Variants in PPP2R2B observed in about 807,000 individuals in gnomAD.
The protein encoded by PPP2R2B is serine/threonine-protein phosphatase 2A 55 kDa regulatory subunit B beta isoform.
In PPP2R2B, 5 loss-of-function variants were observed where a neutral mutation model predicts 46.0. The observed-to-expected ratio is 0.11, with a 90% CI of 0.06 to 0.23. PPP2R2B has a LOEUF of 0.23. PPP2R2B is among the 10% of genes least tolerant of loss of function. PPP2R2B has a pLI of 1.00. For missense variants in PPP2R2B, 367 were observed against 575.0 expected (o/e 0.64, Z 3.70); for synonymous variants, 215 against 206.7 (o/e 1.04, Z -0.34).
At chr5:146,924,059 T>A (rs765360212) in intron 1 of PPP2R2B, among the ~76,000 whole-genome samples, 3 of 152,012 alleles carry the variant, frequency 2.0e-5, no homozygotes, top group Non-Finnish European at 2.9e-5. Context: ...CAACACACAC[T>A]GGGGCCTTTT....
chr5:146,986,833 G>A (rs192906246), intron 1 of PPP2R2B, among the ~76,000 whole-genome samples: 7 of 152,210 alleles, frequency 4.6e-5, no homozygotes, highest in Admixed American at 4.6e-4. Flanking sequence ...AAAGAGAAAT[G>A]GGTGGAAAGC....
chr5:146,792,642 C>T (rs1389091869), intron 2 of PPP2R2B, among the ~76,000 whole-genome samples: 1 of 152,172 alleles, frequency 6.6e-6, no homozygotes, highest in Non-Finnish European at 1.5e-5. Flanking sequence ...TCAAGAAAGG[C>T]TTCATTGAAA....
chr5:146,765,922 TCAC>T, intron 2 of PPP2R2B, among the ~76,000 whole-genome samples: 3 of 152,350 alleles, frequency 2.0e-5, no homozygotes, highest in Non-Finnish European at 4.4e-5. Flanking sequence ...CGGAAAATAG[TCAC>T]TTTGGGAAAG....
intron 2 of PPP2R2B, among the ~76,000 whole-genome samples, chr5:146,870,598 C>T (rs1761561750): frequency 6.6e-6 from 1 of 152,164 alleles, no homozygotes; most frequent in African/African-American, 2.4e-5. Flanking sequence ...TTTAAAAATG[C>T]AGTCTGAGCT....
chr5:146,707,293 T>A (rs1779922728), intron 2 of PPP2R2B: 1 of 1,504,280 alleles, frequency 6.6e-7, no homozygotes, highest in Non-Finnish European at 9.2e-7. Context: ...CCGTACCTTG[T>A]CGACGAAGGA....
chr5:146,887,123 A>G (rs1762353683), intron 1 of PPP2R2B, among the ~76,000 whole-genome samples: 1 of 152,110 alleles, frequency 6.6e-6, no homozygotes, highest in Non-Finnish European at 1.5e-5. Flanking sequence ...AGATAAAATT[A>G]TCTTATTTAA....
intron 1 of PPP2R2B, among the ~76,000 whole-genome samples, chr5:146,889,553 T>A (rs1055391456): frequency 6.6e-6 from 1 of 152,048 alleles, no homozygotes; most frequent in Non-Finnish European, 1.5e-5. Context: ...GGCAGGGGGG[T>A]AATGCATGAG....
intron 7 of PPP2R2B, among the ~76,000 whole-genome samples, chr5:146,624,462 G>A (rs564781068): frequency 6.6e-6 from 1 of 151,794 alleles, no homozygotes; most frequent in South Asian, 2.1e-4. Context: ...CTCAAAGTAC[G>A]GCCCAAATCA....
At chr5:146,966,280 G>A (rs1752402044) in intron 1 of PPP2R2B, among the ~76,000 whole-genome samples, 1 of 152,090 alleles carries the variant, frequency 6.6e-6, no homozygotes, top group Non-Finnish European at 1.5e-5. Context: ...AAATCACGGA[G>A]GTTATGTCAG....
intron 1 of PPP2R2B, among the ~76,000 whole-genome samples, chr5:147,002,390 C>T (rs1754218838): frequency 6.6e-6 from 1 of 152,150 alleles, no homozygotes; most frequent in Non-Finnish European, 1.5e-5. Context: ...AGGCATCACT[C>T]TTCCAACTCT....
intron 5 of PPP2R2B, among the ~76,000 whole-genome samples, chr5:146,670,139 C>T (rs1160256917): frequency 3.3e-5 from 5 of 152,198 alleles, no homozygotes; most frequent in African/African-American, 9.7e-5. Flanking sequence ...TATTTTCCAT[C>T]ATATCCTTGG....
At chr5:146,957,587 A>G (rs1166215958) in intron 1 of PPP2R2B, among the ~76,000 whole-genome samples, 1 of 152,186 alleles carries the variant, frequency 6.6e-6, no homozygotes, top group Non-Finnish European at 1.5e-5. Flanking sequence ...CTTTATTTGC[A>G]TGATTGTTGG....
At chr5:146,722,487 T>G (rs1780867788) in intron 2 of PPP2R2B, among the ~76,000 whole-genome samples, 1 of 152,134 alleles carries the variant, frequency 6.6e-6, no homozygotes, top group Non-Finnish European at 1.5e-5. Context: ...GGAAACAAAC[T>G]AAAAGTCAGA....
intron 1 of PPP2R2B, among the ~76,000 whole-genome samples, chr5:147,017,067 A>G (rs1755041193): frequency 6.6e-6 from 1 of 151,608 alleles, no homozygotes; most frequent in Non-Finnish European, 1.5e-5. Context: ...AGATCTGAGG[A>G]ATACAAGAAT....
At chr5:146,603,542 C>G (rs1287259208) in intron 7 of PPP2R2B, among the ~76,000 whole-genome samples, 1 of 152,158 alleles carries the variant, frequency 6.6e-6, no homozygotes, top group Admixed American at 6.5e-5. Flanking sequence ...GGAGTGCCGG[C>G]TTTAGGTAGC....
At chr5:146,772,383 CATATATATATATATATATATATATATAT>C (rs33981708) in intron 2 of PPP2R2B, among the ~76,000 whole-genome samples, 61,155 of 133,662 alleles carry the variant, frequency 0.46, 16,448 homozygotes, top group Non-Finnish European at 0.57. Flanking sequence ...ATAACTTGTG[CATATATATATATATATATATATATATAT>C]ATATATATAT....
intron 5 of PPP2R2B, among the ~76,000 whole-genome samples, chr5:146,683,564 T>C (rs58786812): frequency 0.061 from 9,223 of 152,294 alleles, 389 homozygotes; most frequent in East Asian, 0.22. Context: ...AACATTAGCA[T>C]AAATGTTAGC....
At chr5:147,044,121 C>G (rs566273446) in intron 1 of PPP2R2B, among the ~76,000 whole-genome samples, 1 of 152,028 alleles carries the variant, frequency 6.6e-6, no homozygotes, top group Non-Finnish European at 1.5e-5. Flanking sequence ...GTCACAGGGC[C>G]CTGCTTGAAG....
At chr5:146,859,432 T>C (rs1478559274) in intron 2 of PPP2R2B, among the ~76,000 whole-genome samples, 1 of 152,124 alleles carries the variant, frequency 6.6e-6, no homozygotes, top group Non-Finnish European at 1.5e-5. Context: ...TTCTTAAGAG[T>C]TGAAAACTAT....
Sources: allele counts gnomAD v4.1 joint callset (sites outside exome capture counted in the v4.1 genomes callset), GRCh38; gene constraint gnomAD v4.1.1; transcripts MANE v1.5; gene names NCBI Gene and HGNC (gene_info 2026-07-23, HGNC 2026-07-21).